Variants in BICRA observed in about 807,000 individuals in gnomAD.
The protein encoded by BICRA is BRD4 interacting chromatin remodeling complex associated protein.
BICRA carries 31 observed loss-of-function variants against 96.9 expected under a neutral mutation model. The observed-to-expected ratio is 0.32, with a 90% confidence interval of 0.24 to 0.43. BICRA has a LOEUF of 0.43. BICRA is among the 20% of genes least tolerant of loss of function. The probability of loss-of-function intolerance (pLI) is 1.00; values close to 1 mark genes in which losing one functional copy is unlikely to be tolerated. For synonymous variants in BICRA, 1,350 were observed against 1,071.8 expected, an observed-to-expected ratio of 1.26 and a Z score of -5.07; for missense variants, 2,283 against 2,190.3, an observed-to-expected ratio of 1.04 and a Z score of -0.84.
chr19:47,675,976 C>A lies in BICRA; in HGVS notation c.150+60C>A. 1.6e-6 allele frequency: 2 copies of A among 1,257,994 alleles called. No individual in the cohort carries two copies. The highest frequency in any genetic ancestry group is 2.3e-6 in the Non-Finnish European group (2 of 881,812). 77.9% of individuals were successfully genotyped at this position (1,257,994 alleles called of 1,614,324 possible). On this transcript the variant is annotated intron_variant, in intron 5 of 14. Coordinates refer to ENST00000594866, the MANE Select transcript of BICRA (RefSeq NM_001394372.1). The surrounding 1 kb of genome is among the most constrained non-coding windows in gnomAD (Gnocchi z 4.7). The stretch of plus-strand genomic sequence containing the variant: ...GTTGGGGCTGCCAGCGGGAGGAGGG[C>A]CCTGAAGCCAAGAGGGGAGGCTTGG...
At chr19:47,609,910 G>A (rs1228754794) in intron 1 of BICRA, among the ~76,000 whole-genome samples, 2 of 152,090 alleles carry the variant, frequency 1.3e-5, no homozygotes, top group African/African-American at 4.8e-5. Context: ...ATAGAGGGAG[G>A]TGACCCCCTC....
chr19:47,615,286 A>G (rs529860612), intron 1 of BICRA, among the ~76,000 whole-genome samples: 116 of 152,276 alleles, frequency 7.6e-4, no homozygotes, highest in African/African-American at 2.7e-3. Flanking sequence ...CCGGCCCCTC[A>G]TGCTGCACCT....
chr19:47,636,186 A>G (rs1972298472), intron 1 of BICRA, among the ~76,000 whole-genome samples: 1 of 152,260 alleles, frequency 6.6e-6, no homozygotes, highest in African/African-American at 2.4e-5. Context: ...GGTCCCAATT[A>G]TTTCAGGTTA....
At chr19:47,618,452 G>A (rs1259381490) in intron 1 of BICRA, among the ~76,000 whole-genome samples, 5 of 152,128 alleles carry the variant, frequency 3.3e-5, no homozygotes, top group Non-Finnish European at 7.4e-5. Flanking sequence ...CAAGTGCCTG[G>A]CTCAGAGTAA....
chr19:47,674,660 G>A (rs939234683), intron 4 of BICRA, among the ~76,000 whole-genome samples: 2 of 152,186 alleles, frequency 1.3e-5, no homozygotes, highest in African/African-American at 4.8e-5. Flanking sequence ...AGGTTTGACT[G>A]GGGCTGGCAG....
chr19:47,698,585 G>GGACC lies in BICRA; in HGVS notation c.3249-49_3249-48insGACC. 1.8e-6 allele frequency: 1 copy of GGACC among 549,050 alleles called. No homozygotes were observed. The highest frequency in any genetic ancestry group is 3.6e-6 in the Non-Finnish European group (1 of 275,642). The allele number at this position is 549,050 out of a possible 1,614,324, so 34.0% of individuals were successfully genotyped here. On this transcript the variant is annotated intron_variant, in intron 11 of 14. Coordinates refer to ENST00000594866, the MANE Select transcript of BICRA (RefSeq NM_001394372.1). This position sits in a 1 kb window ranked among gnomAD's most constrained non-coding sequence, Gnocchi z 4.8. Reference sequence around the variant, plus strand: ...CAGGGACTTCCCCTGGCCCTCACCCGTCCCCCCCACCCTCCGCCGTGTGTG... The same window carrying GGACC: ...CAGGGACTTCCCCTGGCCCTCACCCGGACCTCCCCCCCACCCTCCGCCGTGTGTG...
At position 47,701,393 on chromosome 19, in the gene BICRA, C is replaced by T. The variant is rs1973440739; in HGVS notation, c.3661C>T (p.Leu1221Phe). The change falls in exon 15 of 15, where the codon CTT becomes TTT. Residue 1221 changes from leucine to phenylalanine, a missense_variant. Coordinates refer to ENST00000594866, the MANE Select transcript of BICRA (RefSeq NM_001394372.1). The surrounding 1 kb of genome is among the most constrained non-coding windows in gnomAD (Gnocchi z 5.4). ...PIAASSEGHR[L>F]PGHGPLSSSA... is the part of the protein sequence containing the mutation. ...CGCAGCCTCTTCCGAGGGTCATCGG[C>T]TTCCCGGCCACGGCCCCCTGTCGTC... 2 of 1,606,980 alleles carry T rather than the reference C, an allele frequency of 1.2e-6. No individual in the cohort carries two copies. The highest frequency in any genetic ancestry group is 1.7e-6 in the Non-Finnish European group (2 of 1,177,406).
intron 7 of BICRA, among the ~76,000 whole-genome samples, chr19:47,685,786 T>TGTGTGTGTGTGCGCGCGCGCGC: frequency 5.0e-4 from 59 of 117,958 alleles, no homozygotes; most frequent in East Asian, 1.4e-3. Flanking sequence ...TGTGTGTGTG[T>TGTGTGTGTGTGCGCGCGCGCGC]GCGCGCGCGC....
intron 1 of BICRA, among the ~76,000 whole-genome samples, chr19:47,612,295 G>A (rs867864377): frequency 6.6e-6 from 1 of 151,808 alleles, no homozygotes; most frequent in Non-Finnish European, 1.5e-5. Context: ...CTCACCTGTG[G>A]TCCTAGCTAC....
intron 2 of BICRA, among the ~76,000 whole-genome samples, chr19:47,671,601 G>C (rs1461496598): frequency 6.6e-6 from 1 of 152,066 alleles, no homozygotes; most frequent in African/African-American, 2.4e-5. Flanking sequence ...CAGAAGGGAA[G>C]GAGGGGTGTT....
chr19:47,641,824 C>G (rs949437144), intron 1 of BICRA, among the ~76,000 whole-genome samples: 2 of 151,976 alleles, frequency 1.3e-5, no homozygotes, highest in Admixed American at 1.3e-4. Context: ...ATTAAGTATT[C>G]CAATCCATGA....
rs567457523 is a variant in BICRA at position 47,650,201 on chromosome 19, G to A, written c.-107-20242G>A. Among the ~76,000 whole-genome samples, 20 of 151,882 alleles carry A rather than the reference G, an allele frequency of 1.3e-4. 1 individual carries two copies. The South Asian group carries it at 4.0e-3, about 30-fold the overall frequency. ...GGATGGAGTGCAGTGGTGCAATCTCGGCTCACTGCAACCCTCCACCACCCA... is the reference window on the plus strand; with the variant it reads ...GGATGGAGTGCAGTGGTGCAATCTCAGCTCACTGCAACCCTCCACCACCCA... On this transcript the variant is annotated intron_variant, in intron 1 of 14. Transcript: ENST00000594866.
intron 1 of BICRA, among the ~76,000 whole-genome samples, chr19:47,668,709 C>G (rs541733427): frequency 6.6e-6 from 1 of 152,000 alleles, no homozygotes; most frequent in South Asian, 2.1e-4. Context: ...CCAGGCTGGT[C>G]TCGAACTCCT....
At position 47,681,040 on chromosome 19, in the gene BICRA, GC is replaced by G; in HGVS notation, c.1876del (p.Gln626ArgfsTer98). The part of the protein sequence containing the change: ...EAAPVLTVQP[A>X]PQAPPAVSTP... ...CGCGCCTGTCCTCACGGTGCAGCCT[GC>G]CCCCCAGGCGCCCCCCGCGGTCAGC... On this transcript the variant is annotated frameshift_variant, in exon 6 of 15. Transcript: ENST00000594866. LOFTEE classifies it high-confidence loss of function. 7 of 1,416,908 alleles carry G rather than the reference GC, an allele frequency of 4.9e-6. No individual in the cohort carries two copies. The highest frequency in any genetic ancestry group is 3.1e-5 in the Admixed American group (1 of 32,350). 87.8% of individuals were successfully genotyped at this position (1,416,908 alleles called of 1,614,324 possible).
intron 9 of BICRA, 23 bp from the exon 10 acceptor site, chr19:47,695,342 T>TCGGGGGGGCC: frequency 9.5e-6 from 6 of 630,190 alleles, no homozygotes; most frequent in Non-Finnish European, 1.7e-5. Context: ...AGGCCCTGTC[T>TCGGGGGGGCC]CCCCCACCCC....
At chr19:47,665,201 A>G (rs1479999696) in intron 1 of BICRA, among the ~76,000 whole-genome samples, 1 of 152,154 alleles carries the variant, frequency 6.6e-6, no homozygotes, top group African/African-American at 2.4e-5. Context: ...CCCCCACCAG[A>G]CACACAGTAG....
At chr19:47,622,966 G>A (rs1972087321) in intron 1 of BICRA, among the ~76,000 whole-genome samples, 1 of 151,440 alleles carries the variant, frequency 6.6e-6, no homozygotes, top group African/African-American at 2.4e-5. Context: ...GAGCCCAGGA[G>A]GCGGAGGTTG....
At chr19:47,685,994 G>A (rs867200348) in intron 7 of BICRA, among the ~76,000 whole-genome samples, 9 of 146,828 alleles carry the variant, frequency 6.1e-5, no homozygotes, top group East Asian at 4.1e-4. Flanking sequence ...GCAGTGGCAC[G>A]ATCTTGGCTA....
chr19:47,692,015 G>A (rs753180619), intron 7 of BICRA, among the ~76,000 whole-genome samples: 70 of 152,134 alleles, frequency 4.6e-4, no homozygotes, highest in South Asian at 6.2e-4. Context: ...GGTGCCCAGG[G>A]ATCCTGTAAT....
Sources: gnomAD v4.1 joint callset for allele counts (sites outside exome capture counted in the v4.1 genomes callset) on GRCh38, gnomAD v4.1.1 for gene constraint, Gnocchi (gnomAD v3.1) non-coding constraint, MANE v1.5 for transcripts, NCBI Gene and HGNC (gene_info 2026-07-23, HGNC 2026-07-21) for gene names.